The following FILIP1 variants were observed in gnomAD, a reference collection of about 807,000 sequenced individuals.
FILIP1 encodes filamin A interacting protein 1, also known as filamin-A-interacting protein 1.
FILIP1 carries 61 observed loss-of-function variants against 102.1 expected under a neutral mutation model. The ratio of observed to expected loss-of-function variants is 0.60; its 90% CI spans 0.49 to 0.74. The LOEUF is 0.74. Ranked by LOEUF, FILIP1 falls within the 30% of genes least tolerant of loss-of-function variation. The pLI, the probability that FILIP1 is intolerant of heterozygous loss-of-function variation, is 0.00. For synonymous variants in FILIP1, 491 were observed against 526.9 expected (o/e 0.93, Z 0.93); for missense variants, 1,314 against 1,441.2 (o/e 0.91, Z 1.43).
At chr6:75,421,669 G>C (rs1777471352) in intron 1 of FILIP1, among the ~76,000 whole-genome samples, 1 of 152,108 alleles carries the variant, frequency 6.6e-6, no homozygotes, top group Non-Finnish European at 1.5e-5. Flanking sequence ...CATCTAGTTT[G>C]TATCACCCAT....
chr6:75,358,342 CT>C (rs1174897640), intron 3 of FILIP1: 1 of 152,128 alleles, frequency 6.6e-6, no homozygotes, highest in African/African-American at 2.4e-5. Flanking sequence ...GATCTAAGTA[CT>C]CTTAAAAATA....
At chr6:75,321,347 A>G (rs1032335664) in intron 4 of FILIP1, among the ~76,000 whole-genome samples, 6 of 152,176 alleles carry the variant, frequency 3.9e-5, no homozygotes, top group Non-Finnish European at 8.8e-5. Flanking sequence ...AATTAAGGTG[A>G]CAGAACTCCT....
At chr6:75,465,325 T>G in intron 1 of FILIP1, 1 of 393,576 alleles carries the variant, frequency 2.5e-6, no homozygotes, top group Non-Finnish European at 4.6e-6. Flanking sequence ...TATACAGCCT[T>G]AAAATAAAAT....
chr6:75,348,827 C>A (rs1253833289), intron 4 of FILIP1, among the ~76,000 whole-genome samples: 2 of 152,242 alleles, frequency 1.3e-5, no homozygotes, highest in African/African-American at 4.8e-5. Context: ...TCCGAGAGAC[C>A]ACTGTGTCAA....
At chr6:75,385,810 A>T (rs530134850) in intron 2 of FILIP1, 39 of 151,522 alleles carry the variant, frequency 2.6e-4, no homozygotes, top group African/African-American at 9.2e-4. Context: ...CATGTTACAT[A>T]TCATGGTCCC....
At chr6:75,399,694 G>A (rs748481837) in intron 2 of FILIP1, among the ~76,000 whole-genome samples, 6 of 152,090 alleles carry the variant, frequency 3.9e-5, no homozygotes, top group Non-Finnish European at 8.8e-5. Flanking sequence ...CTTCCGTTCA[G>A]ACCTCATCTA....
exon 7 of FILIP1, chr6:75,292,612 T>TTC (rs1772571208): frequency 6.6e-6 from 1 of 152,238 alleles, no homozygotes; most frequent in South Asian, 2.1e-4. Flanking sequence ...AACACTTTTT[T>TTC]TCTCTTTTTC....
intron 4 of FILIP1, among the ~76,000 whole-genome samples, chr6:75,353,119 C>G (rs963791907): frequency 6.6e-6 from 1 of 151,302 alleles, no homozygotes; most frequent in Non-Finnish European, 1.5e-5. Flanking sequence ...GACGAGTTAA[C>G]GGGTGCAGCA....
At chr6:75,341,975 G>C (rs1177022984) in intron 4 of FILIP1, among the ~76,000 whole-genome samples, 1 of 152,148 alleles carries the variant, frequency 6.6e-6, no homozygotes, top group African/African-American at 2.4e-5. Context: ...CTTGTGAATG[G>C]GGCTATATAT....
chr6:75,386,633 C>T (rs1174732621), intron 2 of FILIP1, among the ~76,000 whole-genome samples: 3 of 152,182 alleles, frequency 2.0e-5, no homozygotes, highest in Non-Finnish European at 4.4e-5. Flanking sequence ...ACATTTGAAG[C>T]ATCTCTTCCT....
chr6:75,373,612 TA>T lies in FILIP1; in HGVS notation c.277-10696del, dbSNP rs571554153. Among the ~76,000 whole-genome samples the T allele has an allele frequency of 1.6e-4, 24 of 151,148 alleles. No homozygotes were observed. In the South Asian group the frequency reaches 4.6e-3, roughly 29 times the overall value. ...GAGCCACCACGCCTGGCCAACAATT[TA>T]AAAAAATTTAAGTATACATTCACCT... is the stretch of plus-strand genomic sequence containing the variant. On this transcript the variant is annotated intron_variant, in intron 2 of 5. Coordinates refer to ENST00000237172, the MANE Select transcript of FILIP1 (RefSeq NM_015687.5).
intron 2 of FILIP1, among the ~76,000 whole-genome samples, chr6:75,382,999 T>C (rs1322273764): frequency 6.6e-6 from 1 of 152,244 alleles, no homozygotes; most frequent in Non-Finnish European, 1.5e-5. Context: ...ACCTATGTTT[T>C]CATATAGATC....
At chr6:75,441,123 C>T (rs1778201613) in intron 1 of FILIP1, among the ~76,000 whole-genome samples, 1 of 151,698 alleles carries the variant, frequency 6.6e-6, no homozygotes, top group Non-Finnish European at 1.5e-5. Context: ...GGCAGAGGAC[C>T]CTGCGGCCTT....
intron 1 of FILIP1, among the ~76,000 whole-genome samples, chr6:75,465,746 G>T (rs1779142979): frequency 6.6e-6 from 1 of 152,110 alleles, no homozygotes; most frequent in African/African-American, 2.4e-5. Context: ...TTGTCCACTT[G>T]AAATATATAA....
chr6:75,367,594 C>A (rs528096289), intron 2 of FILIP1: 7 of 152,048 alleles, frequency 4.6e-5, no homozygotes, highest in Non-Finnish European at 1.0e-4. Flanking sequence ...CACAGTGAGC[C>A]GAGATTGCGC....
chr6:75,467,544 T>G (rs561644066), intron 1 of FILIP1, among the ~76,000 whole-genome samples: 1 of 152,338 alleles, frequency 6.6e-6, no homozygotes, highest in South Asian at 2.1e-4. Context: ...TCCTGCAAAC[T>G]GGTCTGCTAA....
chr6:75,405,382 T>G (rs147838399), intron 2 of FILIP1, among the ~76,000 whole-genome samples: 1 of 152,060 alleles, frequency 6.6e-6, no homozygotes, highest in East Asian at 1.9e-4. Flanking sequence ...TCTCTGGCTA[T>G]GTAAAACAAC....
chr6:75,433,982 A>G (rs1181675536), intron 1 of FILIP1, among the ~76,000 whole-genome samples: 1 of 152,178 alleles, frequency 6.6e-6, no homozygotes, highest in African/African-American at 2.4e-5. Flanking sequence ...CAGGTTTGTC[A>G]AAGATCAGAT....
intron 4 of FILIP1, among the ~76,000 whole-genome samples, chr6:75,323,997 G>C (rs560135765): frequency 1.3e-5 from 2 of 152,214 alleles, no homozygotes; most frequent in South Asian, 4.1e-4. Context: ...GCCTCCCCAG[G>C]CCTGCAGAAC....
Sources: allele counts gnomAD v4.1 joint callset (sites outside exome capture counted in the v4.1 genomes callset), GRCh38; gene constraint gnomAD v4.1.1; transcripts MANE v1.5; gene names NCBI Gene and HGNC (gene_info 2026-07-23, HGNC 2026-07-21).